Variants in PDZD2 observed in about 807,000 individuals in gnomAD.
The protein encoded by PDZD2 is PDZ domain-containing protein 2.
A neutral mutation model predicts 220.7 loss-of-function variants in PDZD2; 90 were observed. The ratio of observed to expected loss-of-function variants is 0.41; its 90% confidence interval spans 0.34 to 0.49. The LOEUF (loss-of-function observed/expected upper bound fraction) is 0.49, where lower values mean the gene tolerates loss of function less well. Ranked by LOEUF, PDZD2 falls within the 20% of genes least tolerant of loss-of-function variation. PDZD2 has a pLI of 0.28. For synonymous variants in PDZD2, 1,375 were observed against 1,450.5 expected, an observed-to-expected ratio of 0.95 and a Z score of 1.18; for missense variants, 3,174 against 3,608.5, an observed-to-expected ratio of 0.88 and a Z score of 3.08.
chr5:31,831,088 G>A (rs1280020041), intron 2 of PDZD2, among the ~76,000 whole-genome samples: 1 of 152,246 alleles, frequency 6.6e-6, no homozygotes, highest in Non-Finnish European at 1.5e-5. Context: ...TGTTCTGATG[G>A]AGGATTAAGC....
chr5:31,947,849 C>G (rs1425799576), intron 2 of PDZD2, among the ~76,000 whole-genome samples: 1 of 148,126 alleles, frequency 6.8e-6, no homozygotes, highest in Non-Finnish European at 1.5e-5. Context: ...TGGATGGGGA[C>G]AGTGAGAGAG....
chr5:31,898,898 G>A (rs1042896756), intron 2 of PDZD2, among the ~76,000 whole-genome samples: 3 of 147,470 alleles, frequency 2.0e-5, no homozygotes, highest in African/African-American at 7.5e-5. Flanking sequence ...GGCGATCTCG[G>A]CTCACTGCAA....
intron 23 of PDZD2, chr5:32,100,769 A>T (rs1228382814): frequency 1.5e-6 from 1 of 647,026 alleles, no homozygotes; most frequent in African/African-American, 1.8e-5. Flanking sequence ...GTCCTCACTG[A>T]GAAGTGCACA....
At chr5:31,654,327 T>A (rs575275956) in intron 1 of PDZD2, among the ~76,000 whole-genome samples, 66 of 152,268 alleles carry the variant, frequency 4.3e-4, no homozygotes, top group African/African-American at 1.5e-3. Context: ...TTCCTCCTGG[T>A]GCCGCAGGAG....
intron 2 of PDZD2, among the ~76,000 whole-genome samples, chr5:31,828,848 G>C (rs1243014072): frequency 2.6e-5 from 4 of 152,168 alleles, no homozygotes; most frequent in African/African-American, 7.2e-5. Flanking sequence ...TGAGTTGTAA[G>C]AATTCTTTAT....
At chr5:31,796,558 G>A (rs1189328900) in intron 1 of PDZD2, among the ~76,000 whole-genome samples, 1 of 152,098 alleles carries the variant, frequency 6.6e-6, no homozygotes, top group East Asian at 1.9e-4. Context: ...GAGGTCTCGG[G>A]GAAGAACCCT....
chr5:31,777,376 G>GA (rs1227064172), intron 1 of PDZD2, among the ~76,000 whole-genome samples: 1 of 152,182 alleles, frequency 6.6e-6, no homozygotes, highest in Non-Finnish European at 1.5e-5. Context: ...CGCCATGCCT[G>GA]AGCCCCCCTC....
intron 1 of PDZD2, among the ~76,000 whole-genome samples, chr5:31,653,165 G>A (rs560648308): frequency 6.6e-6 from 1 of 152,222 alleles, no homozygotes; most frequent in Admixed American, 6.5e-5. Flanking sequence ...ATGTAACACT[G>A]TACTCCATCA....
chr5:31,906,086 G>A (rs113896608), intron 2 of PDZD2, among the ~76,000 whole-genome samples: 2,525 of 68,952 alleles, frequency 0.037, 106 homozygotes, highest in African/African-American at 0.1. Flanking sequence ...CAGTGGCACC[G>A]TCTCGGCTTA....
At chr5:31,758,432 G>C (rs762499233) in intron 1 of PDZD2, among the ~76,000 whole-genome samples, 2 of 152,174 alleles carry the variant, frequency 1.3e-5, no homozygotes, top group Non-Finnish European at 2.9e-5. Flanking sequence ...CCTGGAAATG[G>C]ACCACAAAGG....
At chr5:31,675,779 G>A (rs560766336) in intron 1 of PDZD2, among the ~76,000 whole-genome samples, 14 of 152,162 alleles carry the variant, frequency 9.2e-5, no homozygotes, top group African/African-American at 2.9e-4. Context: ...TCACAGCAAC[G>A]TCCACCTCCT....
At chr5:31,993,292 G>A (rs547928986) in intron 3 of PDZD2, among the ~76,000 whole-genome samples, 77 of 152,330 alleles carry the variant, frequency 5.1e-4, no homozygotes, top group African/African-American at 1.8e-3. Context: ...TGGCCAGACA[G>A]GCTTCATTTG....
chr5:31,937,917 A>C (rs1451848718), intron 2 of PDZD2, among the ~76,000 whole-genome samples: 1 of 152,222 alleles, frequency 6.6e-6, no homozygotes, highest in Non-Finnish European at 1.5e-5. Flanking sequence ...AGGCAAATCC[A>C]GACTGCCCTA....
In PDZD2 at chr5:32,079,649, A is replaced by C. The variant is rs151260372; in HGVS notation, c.3682+2043A>C. 8.7e-3 allele frequency among the ~76,000 whole-genome samples: 1,324 copies of C among 152,034 alleles called. 10 individuals are homozygous for C. The highest frequency in any genetic ancestry group is 0.014 in the Admixed American group (219 of 15,292). ...TGGTGAAACCCAGTCTCTACTAAAA[A>C]TACAAAACAAAATTAGCTGGGCATG... On this transcript the variant is annotated intron_variant, in intron 19 of 24. Coordinates refer to ENST00000438447, the MANE Select transcript of PDZD2 (RefSeq NM_178140.4).
chr5:32,059,515 T>C (rs910511695), intron 13 of PDZD2, among the ~76,000 whole-genome samples, 159 bp downstream of exon 13: 4 of 152,332 alleles, frequency 2.6e-5, no homozygotes, highest in African/African-American at 9.6e-5. Flanking sequence ...TCTCCAAAAA[T>C]GTAAATGTTA....
At chr5:31,879,393 GA>G (rs11320736) in intron 2 of PDZD2, among the ~76,000 whole-genome samples, 68,489 of 130,562 alleles carry the variant, frequency 0.52, 16,635 homozygotes, top group African/African-American at 0.64. Flanking sequence ...TCTCAAAAAG[GA>G]AAAAAAAAAA....
At chr5:31,821,870 G>A (rs1186723526) in intron 2 of PDZD2, among the ~76,000 whole-genome samples, 1 of 144,754 alleles carries the variant, frequency 6.9e-6, no homozygotes, top group Non-Finnish European at 1.5e-5. Flanking sequence ...ATAGGCCCCA[G>A]TGTGTGATGT....
At chr5:31,885,172 A>C (rs569986556) in intron 2 of PDZD2, among the ~76,000 whole-genome samples, 95 of 151,612 alleles carry the variant, frequency 6.3e-4, no homozygotes, top group African/African-American at 2.2e-3. Context: ...AAAAAAAAAA[A>C]AGAAAAAGAA....
chr5:31,658,095 C>T (rs1307448978), intron 1 of PDZD2, among the ~76,000 whole-genome samples: 2 of 152,146 alleles, frequency 1.3e-5, no homozygotes, highest in African/African-American at 2.4e-5. Flanking sequence ...AATAATCACC[C>T]AGCTGTTTGG....
Sources: gnomAD v4.1 joint callset for allele counts (sites outside exome capture counted in the v4.1 genomes callset) on GRCh38, gnomAD v4.1.1 for gene constraint, MANE v1.5 for transcripts, NCBI Gene and HGNC (gene_info 2026-07-23, HGNC 2026-07-21) for gene names.